Variants in PARP14 observed in about 807,000 individuals in gnomAD.
PARP14 encodes the protein protein mono-ADP-ribosyltransferase PARP14.
A neutral mutation model predicts 154.2 loss-of-function variants in PARP14; 59 were observed. The observed-to-expected ratio is 0.38, with a 90% CI of 0.31 to 0.48. PARP14 has a LOEUF of 0.48. Among genes scored for constraint, PARP14 ranks in the 20% least tolerant of loss-of-function variants. PARP14 has a pLI of 0.98. For missense variants in PARP14, 1,734 were observed against 2,131.6 expected, an observed-to-expected ratio of 0.81 and a Z score of 3.67; for synonymous variants, 720 against 780.5, an observed-to-expected ratio of 0.92 and a Z score of 1.29.
intron 12 of PARP14, among the ~76,000 whole-genome samples, chr3:122,715,783 T>C (rs144558640): frequency 4.2e-4 from 64 of 152,276 alleles, no homozygotes; most frequent in Non-Finnish European, 8.7e-4. Context: ...CACCTTCAGT[T>C]GATTTGGGCC....
rs936081719 is a variant in PARP14, at chr3:122,713,356, G to A, written c.3620-68G>A. ...GAAGACATCCAAGAGGGTCCCATGT[G>A]AGCAGGATACCCAAGTCATTCTTGC... is the stretch of plus-strand genomic sequence containing the variant. On this transcript the variant is annotated intron_variant, in intron 9 of 16. Transcript: ENST00000474629. 6.6e-6 allele frequency: 9 copies of A among 1,371,860 alleles called. No individual in the cohort carries two copies. In the Admixed American group the frequency reaches 1.6e-4, roughly 24 times the overall value. The allele number at this position is 1,371,860 out of a possible 1,614,324, so 85.0% of individuals were successfully genotyped here.
chr3:122,686,788 A>G, intron 2 of PARP14: 1 of 307,050 alleles, frequency 3.3e-6, no homozygotes. Flanking sequence ...TAAACAAGGG[A>G]AAAATTATGA....
chr3:122,684,199 A>G (rs1938299493), intron 1 of PARP14, among the ~76,000 whole-genome samples: 1 of 152,186 alleles, frequency 6.6e-6, no homozygotes, highest in Non-Finnish European at 1.5e-5. Flanking sequence ...AACACAGCAT[A>G]GTGACCCAAC....
chr3:122,705,150 A>G (rs913281924), intron 8 of PARP14, among the ~76,000 whole-genome samples: 3 of 152,232 alleles, frequency 2.0e-5, no homozygotes, highest in African/African-American at 7.2e-5. Context: ...TTTATTTTAA[A>G]CAATAACAAT....
At chr3:122,713,010 A>G (rs892268134) in intron 9 of PARP14, among the ~76,000 whole-genome samples, 17 of 152,234 alleles carry the variant, frequency 1.1e-4, no homozygotes, top group Non-Finnish European at 7.3e-5. Context: ...GAAAAGAGGA[A>G]AAATTTTAAA....
chr3:122,719,663 G>A (rs958444742), intron 14 of PARP14, among the ~76,000 whole-genome samples: 4 of 152,220 alleles, frequency 2.6e-5, no homozygotes, highest in Admixed American at 2.0e-4. Flanking sequence ...GAGACTCTGA[G>A]CAACCCTGGG....
In PARP14 at chr3:122,727,809, C is replaced by T. The variant is rs770938353; in HGVS notation, c.4942-3C>T. ...CAGAATATTATCCTTTATTAATTTG[C>T]AGATTGAGAGGATCCAGAATCCAGA... On this transcript the variant is annotated splice_region_variant and splice_polypyrimidine_tract_variant and intron_variant, in intron 15 of 16. Transcript: ENST00000474629. 1.3e-6 allele frequency: 2 copies of T among 1,581,012 alleles called. No homozygotes were observed. The highest frequency in any genetic ancestry group is 4.5e-5 in the East Asian group (2 of 44,424).
intron 12 of PARP14, among the ~76,000 whole-genome samples, chr3:122,715,648 ATCTATCG>A (rs1932979317): frequency 4.4e-5 from 6 of 137,194 alleles, no homozygotes; most frequent in Non-Finnish European, 9.8e-5. Flanking sequence ...CTATCTATCT[ATCTATCG>A]ATCTGTCTAT....
At chr3:122,691,794 G>A (rs932158114) in intron 3 of PARP14, among the ~76,000 whole-genome samples, 3 of 152,056 alleles carry the variant, frequency 2.0e-5, no homozygotes, top group Non-Finnish European at 1.5e-5. Context: ...TATAAGGCAG[G>A]TTCCTCAAAA....
At chr3:122,693,257 A>G (rs541552512) in intron 4 of PARP14, among the ~76,000 whole-genome samples, 2 of 152,276 alleles carry the variant, frequency 1.3e-5, no homozygotes, top group African/African-American at 4.8e-5. Flanking sequence ...CTTTAAGGTA[A>G]TTGTCAGGAA....
intron 6 of PARP14, 129 bp from the exon 7 acceptor site, chr3:122,703,613 T>C: frequency 1.6e-6 from 1 of 610,736 alleles, no homozygotes; most frequent in East Asian, 2.8e-5. Context: ...TATGTTGATA[T>C]TTCAATCACT....
chr3:122,728,793 T>C lies in PARP14; in HGVS notation c.*196T>C. On this transcript the variant is annotated 3_prime_UTR_variant, in exon 17 of 17. Coordinates refer to ENST00000474629, the MANE Select transcript of PARP14 (RefSeq NM_017554.3). ...ACTTATTATCTTGAGAGCAAATAAC[T>C]TGGAAAATTTAAATGAGATAATGCA... The C allele has an allele frequency of 1.8e-6, 1 of 552,664 alleles. No homozygotes were observed. The highest frequency in any genetic ancestry group is 3.2e-6 in the Non-Finnish European group (1 of 310,778). 34.2% of individuals were successfully genotyped at this position (552,664 alleles called of 1,614,324 possible).
In PARP14 at chr3:122,700,937, C is replaced by T. The variant is rs377384462; in HGVS notation, c.2383C>T (p.Arg795Trp). The T allele has an allele frequency of 2.0e-5, 33 of 1,613,878 alleles. No homozygotes were observed. Among genetic ancestry groups the T allele is most frequent in the African/African-American group, 9.3e-5 (7 of 74,918 alleles). The change falls in exon 6 of 17, where the codon CGG becomes TGG. Residue 795 changes from arginine (R) to tryptophan (W), a missense_variant. Around this residue, in one of 2 missense-constraint regions of PARP14, gnomAD observed 1,646 missense variants for 1,976.0 expected, o/e 0.83. Transcript: ENST00000474629. ...GSPAGQKCFS[R>W]TVLAPGVVLI... ...CCCCGCTGGGCAGAAGTGCTTCTCT[C>T]GGACAGTCTTGGCCCCTGGCGTTGT...
At position 122,701,702 on chromosome 3, in the gene PARP14, G is replaced by A; in HGVS notation, c.3081+67G>A. On this transcript the variant is annotated intron_variant, in intron 6 of 16. Coordinates refer to ENST00000474629, the MANE Select transcript of PARP14 (RefSeq NM_017554.3). The surrounding 1 kb of genome is among the most constrained non-coding windows in gnomAD (Gnocchi z 4.0). ...TTTACTTAGTCAGTGGCTCTCTCATGGAGGGCTGAAGAAAGATAAGGACCA... is the reference window on the plus strand; with the variant it reads ...TTTACTTAGTCAGTGGCTCTCTCATAGAGGGCTGAAGAAAGATAAGGACCA... 1 of 1,161,902 alleles carries A rather than the reference G, an allele frequency of 8.6e-7. No individual in the cohort carries two copies. The highest frequency in any genetic ancestry group is 1.2e-6 in the Non-Finnish European group (1 of 830,704). 72.0% of individuals were successfully genotyped at this position (1,161,902 alleles called of 1,614,324 possible).
chr3:122,728,018 T>C, intron 16 of PARP14, 32 bp downstream of exon 16: 1 of 1,587,846 alleles, frequency 6.3e-7, no homozygotes, highest in Non-Finnish European at 8.6e-7. Context: ...CTGCTTGGAA[T>C]GAGGCATCAG....
At chr3:122,716,528 T>A (rs563717224) in intron 12 of PARP14, among the ~76,000 whole-genome samples, 1 of 152,208 alleles carries the variant, frequency 6.6e-6, no homozygotes, top group Admixed American at 6.5e-5. Flanking sequence ...ACAACTGCAA[T>A]GCAACGTGAA....
chr3:122,684,000 T>C (rs546752342), intron 1 of PARP14, among the ~76,000 whole-genome samples: 8 of 152,298 alleles, frequency 5.3e-5, no homozygotes, highest in African/African-American at 1.9e-4. Flanking sequence ...GCCCTCCTCA[T>C]AAAGAGTGAG....
At chr3:122,707,201 C>T (rs1018730880) in intron 8 of PARP14, among the ~76,000 whole-genome samples, 1 of 151,922 alleles carries the variant, frequency 6.6e-6, no homozygotes, top group African/African-American at 2.4e-5. Flanking sequence ...GGCAGATCAC[C>T]TGAGGTCAGG....
intron 15 of PARP14, among the ~76,000 whole-genome samples, chr3:122,725,258 A>G (rs1043019219): frequency 2.0e-5 from 3 of 151,688 alleles, no homozygotes; most frequent in South Asian, 2.1e-4. Flanking sequence ...CTTCCTAGAC[A>G]GGGCGGCCGG....
Sources: allele counts gnomAD v4.1 joint callset (sites outside exome capture counted in the v4.1 genomes callset), GRCh38; gene constraint gnomAD v4.1.1; regional missense constraint gnomAD v4.1.1; non-coding constraint Gnocchi (gnomAD v3.1); transcripts MANE v1.5; gene names NCBI Gene and HGNC (gene_info 2026-07-23, HGNC 2026-07-21).